CARS2: variants seen among roughly 807,000 people sequenced by gnomAD.
The protein encoded by CARS2 is probable cysteine--tRNA ligase, mitochondrial.
Under a neutral mutation model 68.8 loss-of-function variants are expected in CARS2, and 52 were observed. The observed-to-expected ratio is 0.76, with a 90% CI of 0.61 to 0.95. CARS2 has a LOEUF of 0.95. Ranked by LOEUF, CARS2 falls within the 40% of genes least tolerant of loss-of-function variation. The pLI is 0.00. For missense variants in CARS2, 780 were observed against 754.2 expected, an observed-to-expected ratio of 1.03 and a Z score of -0.40; for synonymous variants, 314 against 303.6, an observed-to-expected ratio of 1.03 and a Z score of -0.36.
In CARS2 at chr13:110,668,473, C is replaced by T. The variant is rs376266548; in HGVS notation, c.786-1000G>A. Among the ~76,000 whole-genome samples, 8 of 150,914 alleles carry T rather than the reference C, an allele frequency of 5.3e-5. No individual in the cohort carries two copies. The highest frequency in any genetic ancestry group is 3.9e-4 in the East Asian group (2 of 5,086). On this transcript the variant is annotated intron_variant, in intron 7 of 14. Coordinates refer to ENST00000257347, the MANE Select transcript of CARS2 (RefSeq NM_024537.4). This position sits in a 1 kb window ranked among gnomAD's most constrained non-coding sequence, Gnocchi z 4.1. ...AAGAGAATGGCATGAACCCGGGAGG[C>T]GGAGCTTGCAGTGAGCCGAGATCGC...
chr13:110,669,894 G>A (rs559604620), intron 7 of CARS2, among the ~76,000 whole-genome samples: 6 of 152,118 alleles, frequency 3.9e-5, no homozygotes, highest in Non-Finnish European at 7.4e-5. Context: ...CTTAGCAAAC[G>A]GCACACCAGG....
chr13:110,663,721 G>T, intron 8 of CARS2: 1 of 1,345,620 alleles, frequency 7.4e-7, no homozygotes, highest in Non-Finnish European at 9.5e-7. Context: ...CCACGGTGCA[G>T]GGACACCCAG....
At chr13:110,645,049 G>C (rs1039324983) in intron 12 of CARS2, 1 of 154,628 alleles carries the variant, frequency 6.5e-6, no homozygotes. Flanking sequence ...AAGGCAGGAG[G>C]CCGCGGACGG....
At chr13:110,662,402 C>T (rs2062535487) in intron 9 of CARS2, among the ~76,000 whole-genome samples, 1 of 152,100 alleles carries the variant, frequency 6.6e-6, no homozygotes, top group Non-Finnish European at 1.5e-5. Context: ...TGGGTTTGGA[C>T]CCCCTCTGCG....
rs779330714 is a variant in CARS2, at chr13:110,712,643, G to A, written n.399+494C>T. On this transcript the variant is annotated intron_variant and non_coding_transcript_variant, in intron 1 of 2. Transcript: ENST00000485188. ...TTTGGGAGGGTAGAGGGGCGACGCG[G>A]GGGAGGGCGGTCCGGGGAGCTGAAT... The A allele has an allele frequency of 2.7e-4, 158 of 584,178 alleles. 2 individuals carry two copies. Among genetic ancestry groups the A allele is most frequent in the South Asian group, 2.2e-3 (133 of 60,958 alleles). 36.2% of individuals were successfully genotyped at this position (584,178 alleles called of 1,614,324 possible).
rs1328662776 is a variant in CARS2, at chr13:110,642,448, A to AC, written c.1489dup (p.Val497GlyfsTer101). ...GGGCATGGCCAGCGCAAACTGCCGG[A>AC]CCTTCTGCCGGAACCGCACCAGCTC... is the stretch of plus-strand genomic sequence containing the variant. On this transcript the variant is annotated frameshift_variant, in exon 14 of 15. Coordinates refer to ENST00000257347, the MANE Select transcript of CARS2 (RefSeq NM_024537.4). LOFTEE classifies it high-confidence loss of function. 1 of 1,607,920 alleles carries AC rather than the reference A, an allele frequency of 6.2e-7. No individual in the cohort carries two copies. Among genetic ancestry groups the AC allele is most frequent in the Admixed American group, 1.7e-5 (1 of 59,542 alleles).
At chr13:110,692,117 C>T (rs1310920077) in intron 3 of CARS2, among the ~76,000 whole-genome samples, 25 of 147,232 alleles carry the variant, frequency 1.7e-4, no homozygotes, top group Non-Finnish European at 3.0e-5. Flanking sequence ...TATATATACA[C>T]ACACATATAT....
At chr13:110,674,576 GA>G (rs2062892663) in intron 7 of CARS2, among the ~76,000 whole-genome samples, 3 of 152,188 alleles carry the variant, frequency 2.0e-5, no homozygotes, top group Admixed American at 2.0e-4. Flanking sequence ...ATTAAAGACT[GA>G]AATGTTAGAC....
chr13:110,687,747 C>A lies in CARS2; in HGVS notation c.545G>T (p.Arg182Leu), dbSNP rs769307767. The A allele has an allele frequency of 1.2e-6, 2 of 1,610,290 alleles. No individual in the cohort carries two copies. Among genetic ancestry groups the A allele is most frequent in the South Asian group, 2.2e-5 (2 of 90,918 alleles). The change falls in exon 5 of 15, where the codon CGT (arginine) becomes CTT (leucine). Residue 182 changes from arginine (R) to leucine (L), a missense_variant. Physicochemically the swap from Arg to Leu is moderately radical, Grantham distance 102. Transcript: ENST00000257347. ...TTTTGCCGTTGAATAAGCGTTCCCACGAGCAATGATTCCTTCAATGAAAGA... is the reference window on the plus strand; with the variant it reads ...TTTTGCCGTTGAATAAGCGTTCCCAAGAGCAATGATTCCTTCAATGAAAGA... The part of the protein sequence containing the change: ...IISFIEGIIA[R>L]GNAYSTAKGN...
chr13:110,649,461 G>A, intron 10 of CARS2, among the ~76,000 whole-genome samples: 1 of 121,184 alleles, frequency 8.3e-6, no homozygotes, highest in East Asian at 2.4e-4. Flanking sequence ...ACAGGGGAGG[G>A]AGATGGATAG....
At chr13:110,706,677 C>T (rs935025282), upstream of CARS2, among the ~76,000 whole-genome samples, 2 of 149,840 alleles carry the variant, frequency 1.3e-5, no homozygotes, top group African/African-American at 4.9e-5. Context: ...GTTAGCATCC[C>T]AACACAGTGC....
intron 3 of CARS2, among the ~76,000 whole-genome samples, chr13:110,701,139 T>C (rs373938490): frequency 1.2e-4 from 18 of 152,216 alleles, no homozygotes; most frequent in African/African-American, 4.3e-4. Flanking sequence ...CTCCGCTCAT[T>C]GCAACCTTCG....
chr13:110,642,447 G>T lies in CARS2; in HGVS notation c.1491C>A (p.Val497=). 10 of 1,607,944 alleles carry T rather than the reference G, an allele frequency of 6.2e-6. No individual in the cohort carries two copies. The highest frequency in any genetic ancestry group is 6.8e-6 in the Non-Finnish European group (8 of 1,177,674). Residue 497 remains valine, a synonymous_variant, in exon 14 of 15, where the codon GTC becomes GTA. Transcript: ENST00000257347. The part of the protein sequence containing the change: ...VDELVRFRQK[V]RQFALAMPEA... The stretch of plus-strand genomic sequence containing the variant: ...CGGGCATGGCCAGCGCAAACTGCCG[G>T]ACCTTCTGCCGGAACCGCACCAGCT...
At chr13:110,706,782 TCCCAATACAGTGTGCAC>T (rs546237969), upstream of CARS2, among the ~76,000 whole-genome samples, 6 of 114,062 alleles carry the variant, frequency 5.3e-5, no homozygotes, top group South Asian at 2.9e-4. Flanking sequence ...CACATCAGCA[TCCCAATACAGTGTGCAC>T]CCCAATACAG....
intron 12 of CARS2, 142 bp downstream of exon 12, chr13:110,645,825 G>T: frequency 8.9e-7 from 1 of 1,124,720 alleles, no homozygotes; most frequent in Non-Finnish European, 1.2e-6. Context: ...CGGCAGACTC[G>T]GGCTCCATGA....
At chr13:110,641,933 G>A (rs1267633546) in intron 14 of CARS2, among the ~76,000 whole-genome samples, 1 of 152,230 alleles carries the variant, frequency 6.6e-6, no homozygotes, top group East Asian at 1.9e-4. Context: ...AGGGCGCAGT[G>A]GCTCACGCCT....
At chr13:110,712,674 C>T in intron 1 of CARS2, 2 of 653,028 alleles carry the variant, frequency 3.1e-6, no homozygotes, top group Admixed American at 2.1e-5. Flanking sequence ...TGAATGGCCT[C>T]AGGACGCCGG....
chr13:110,697,180 C>T lies in CARS2; in HGVS notation c.393+4258G>A, dbSNP rs1016943569. Among the ~76,000 whole-genome samples the T allele has an allele frequency of 9.2e-5, 14 of 152,364 alleles. No homozygotes were observed. The South Asian group carries it at 1.4e-3, about 16-fold the overall frequency. On this transcript the variant is annotated intron_variant, in intron 3 of 14. Coordinates refer to ENST00000257347, the MANE Select transcript of CARS2 (RefSeq NM_024537.4). ...CAGGTGAAAGCCCCGAACCACTGAC[C>T]TTCCTTCTTTACCAGTGGGGCATTT... is the stretch of plus-strand genomic sequence containing the variant.
In CARS2 at chr13:110,668,252, T is replaced by C. The variant is rs2062703312; in HGVS notation, c.786-779A>G. Reference sequence around the variant, plus strand: ...CGCTGTAGTGTGACGTTCTAAGACTTTTACATCTTAGCCGGGCGCGGTGGC... The same window carrying C: ...CGCTGTAGTGTGACGTTCTAAGACTCTTACATCTTAGCCGGGCGCGGTGGC... On this transcript the variant is annotated intron_variant, in intron 7 of 14. Transcript: ENST00000257347. The surrounding 1 kb of genome is among the most constrained non-coding windows in gnomAD (Gnocchi z 4.1). Among the ~76,000 whole-genome samples, 1 of 152,086 alleles carries C rather than the reference T, an allele frequency of 6.6e-6. No homozygotes were observed. The highest frequency in any genetic ancestry group is 2.1e-4 in the South Asian group (1 of 4,826).
Sources: allele counts gnomAD v4.1 joint callset (sites outside exome capture counted in the v4.1 genomes callset), GRCh38; gene constraint gnomAD v4.1.1; non-coding constraint Gnocchi (gnomAD v3.1); transcripts MANE v1.5; gene names NCBI Gene and HGNC (gene_info 2026-07-23, HGNC 2026-07-21).